SGK1: variants seen among roughly 807,000 people sequenced by gnomAD.
The protein encoded by SGK1 is serum/glucocorticoid regulated kinase 1.
SGK1 carries 26 observed loss-of-function variants against 64.2 expected under a neutral mutation model. That is an observed-to-expected ratio of 0.40 (90% confidence interval 0.30 to 0.56). The LOEUF (loss-of-function observed/expected upper bound fraction) is 0.56. SGK1 is among the 20% of genes least tolerant of loss of function. SGK1 has a pLI of 0.38. For synonymous variants in SGK1, 265 were observed against 239.7 expected, an observed-to-expected ratio of 1.11 and a Z score of -0.98; for missense variants, 519 against 645.6, an observed-to-expected ratio of 0.80 and a Z score of 2.12.
intron 13 of SGK1, 165 bp downstream of exon 13, chr6:134,170,661 G>A (rs1774986070): frequency 1.4e-6 from 1 of 692,800 alleles, no homozygotes; most frequent in Non-Finnish European, 2.4e-6. Flanking sequence ...AAAATTATGG[G>A]AGCCTTGTTG....
At chr6:134,303,172 T>C (rs1345234398) in intron 1 of SGK1, among the ~76,000 whole-genome samples, 2 of 151,972 alleles carry the variant, frequency 1.3e-5, no homozygotes, top group Admixed American at 6.6e-5. Flanking sequence ...GGTGGGCGGA[T>C]CACGAGGTCA....
At chr6:134,216,866 G>A (rs796302886) in intron 2 of SGK1, among the ~76,000 whole-genome samples, 5 of 152,280 alleles carry the variant, frequency 3.3e-5, no homozygotes, top group African/African-American at 1.2e-4. Flanking sequence ...GTCCTCTCTG[G>A]GTGGGACAGC....
rs1336636942 is a variant in SGK1 at position 134,188,535 on chromosome 6, AC to A, written c.362-13950del. Among the ~76,000 whole-genome samples, 3 of 152,334 alleles carry A rather than the reference AC, an allele frequency of 2.0e-5. No individual in the cohort carries two copies. In the South Asian group the frequency reaches 6.2e-4, roughly 32 times the overall value. On this transcript the variant is annotated intron_variant, in intron 3 of 13. Coordinates refer to ENST00000367858, the MANE Select transcript of SGK1 (RefSeq NM_001143676.3). The stretch of plus-strand genomic sequence containing the variant: ...TGTGATTTTATATATAGAGATATAT[AC>A]ATGTATGATAGCATCAGTAATTCAG...
chr6:134,257,847 C>T (rs929790096), intron 2 of SGK1, among the ~76,000 whole-genome samples: 1 of 152,266 alleles, frequency 6.6e-6, no homozygotes, highest in South Asian at 2.1e-4. Flanking sequence ...TGGAAAGAAA[C>T]CTGACGGTGA....
At chr6:134,246,713 C>T (rs944559581) in intron 2 of SGK1, among the ~76,000 whole-genome samples, 3 of 152,082 alleles carry the variant, frequency 2.0e-5, no homozygotes, top group African/African-American at 7.2e-5. Flanking sequence ...CTGCCTCAGC[C>T]TCCTGAGTAG....
chr6:134,171,625 T>C lies in SGK1; in HGVS notation c.1167+12A>G. The C allele has an allele frequency of 6.3e-7, 1 of 1,590,476 alleles. No individual in the cohort carries two copies. Among genetic ancestry groups the C allele is most frequent in the South Asian group, 1.1e-5 (1 of 90,648 alleles). ...GCAGGCAGTGTTCCATGGTTCCCAA[T>C]GTGCCACTCACCAGGCCATACAGCA... On this transcript the variant is annotated intron_variant, in intron 11 of 13. Coordinates refer to ENST00000367858, the MANE Select transcript of SGK1 (RefSeq NM_001143676.3).
chr6:134,297,483 A>G, intron 1 of SGK1: 1 of 614,138 alleles, frequency 1.6e-6, no homozygotes, highest in Admixed American at 2.0e-5. Flanking sequence ...GAGCCAGCTG[A>G]TGTTCCGGTT....
At chr6:134,189,212 G>GTC (rs773898643) in intron 3 of SGK1, among the ~76,000 whole-genome samples, 12 of 148,242 alleles carry the variant, frequency 8.1e-5, no homozygotes, top group Admixed American at 2.0e-4. Flanking sequence ...ACAGGTGTGT[G>GTC]TGTGTGTGTG....
At chr6:134,306,765 C>G (rs1777540923) in intron 1 of SGK1, among the ~76,000 whole-genome samples, 1 of 151,946 alleles carries the variant, frequency 6.6e-6, no homozygotes, top group Non-Finnish European at 1.5e-5. Context: ...CCTCAGCCTC[C>G]CAAAGTGCTG....
At chr6:134,251,944 T>C (rs910718340) in intron 2 of SGK1, among the ~76,000 whole-genome samples, 2 of 152,114 alleles carry the variant, frequency 1.3e-5, no homozygotes, top group African/African-American at 4.8e-5. Context: ...TCTGTAGTGA[T>C]GGGAGTCTTT....
At chr6:134,314,837 G>A (rs1015839078) in intron 1 of SGK1, among the ~76,000 whole-genome samples, 2 of 150,350 alleles carry the variant, frequency 1.3e-5, no homozygotes, top group African/African-American at 4.9e-5. Context: ...TTTAATGTGG[G>A]CTATGGACAA....
intron 3 of SGK1, among the ~76,000 whole-genome samples, chr6:134,202,498 A>G (rs112929130): frequency 0.052 from 7,868 of 151,984 alleles, 670 homozygotes; most frequent in African/African-American, 0.18. Flanking sequence ...ACAATTAGCC[A>G]GGCATGGTGG....
chr6:134,249,803 A>G lies in SGK1; in HGVS notation c.285+12130T>C, dbSNP rs139916211. 1.6e-3 allele frequency among the ~76,000 whole-genome samples: 239 copies of G among 152,370 alleles called. 3 individuals carry two copies. The East Asian group carries it at 0.043, about 27-fold the overall frequency. On this transcript the variant is annotated intron_variant, in intron 2 of 13. Transcript: ENST00000367858. ...GTCACTACCTGAAAGGTCTGCTTTCATGCTGGTGTCAGATTTGCTTGTTTT... is the reference window on the plus strand; with the variant it reads ...GTCACTACCTGAAAGGTCTGCTTTCGTGCTGGTGTCAGATTTGCTTGTTTT...
chr6:134,315,864 A>T (rs1037148384), intron 1 of SGK1, among the ~76,000 whole-genome samples: 1 of 152,094 alleles, frequency 6.6e-6, no homozygotes, highest in African/African-American at 2.4e-5. Flanking sequence ...ATATAGCAAG[A>T]CCCCGTCTCT....
chr6:134,263,290 G>A (rs1173876657), intron 1 of SGK1, among the ~76,000 whole-genome samples: 1 of 152,144 alleles, frequency 6.6e-6, no homozygotes, highest in Non-Finnish European at 1.5e-5. Flanking sequence ...AGGATGGAAT[G>A]CAGTGGCCTA....
chr6:134,201,907 T>C (rs1231257502), intron 3 of SGK1, among the ~76,000 whole-genome samples: 1 of 152,142 alleles, frequency 6.6e-6, no homozygotes, highest in East Asian at 1.9e-4. Flanking sequence ...CATGCTGCAG[T>C]GTAGAAACCA....
chr6:134,175,309 C>T lies in SGK1; in HGVS notation c.362-723G>A, dbSNP rs963906366. Among the ~76,000 whole-genome samples the T allele has an allele frequency of 1.9e-4, 29 of 152,260 alleles. 1 individual carries two copies. Among genetic ancestry groups the T allele is most frequent in the African/African-American group, 6.0e-4 (25 of 41,572 alleles). On this transcript the variant is annotated intron_variant, in intron 3 of 13. Coordinates refer to ENST00000367858, the MANE Select transcript of SGK1 (RefSeq NM_001143676.3). ...TGCAGATACCCTCTCCCCGGCCAGG[C>T]GCCGTCCTGCGGCCGGACTCCCACC... is the stretch of plus-strand genomic sequence containing the variant.
Position 134,170,455 on chromosome 6 carries a change from A to G in SGK1, c.1414-20T>C. 6.2e-7 allele frequency: 1 copy of G among 1,602,500 alleles called. No homozygotes were observed. The highest frequency in any genetic ancestry group is 2.2e-5 in the East Asian group (1 of 44,610). ...CCCACTCTGTGACGGGAAGGGAAAA[A>G]CACTCTTGTCAAGAACTCACACTAG... On this transcript the variant is annotated intron_variant, in intron 13 of 13. Transcript: ENST00000367858.
intron 3 of SGK1, among the ~76,000 whole-genome samples, chr6:134,185,869 G>A (rs1438254518): frequency 1.3e-5 from 2 of 152,046 alleles, no homozygotes; most frequent in African/African-American, 4.8e-5. Context: ...TCCGAAGGCC[G>A]GAGAAGAAGC....
Sources: gnomAD v4.1 joint callset for allele counts (sites outside exome capture counted in the v4.1 genomes callset) on GRCh38, gnomAD v4.1.1 for gene constraint, MANE v1.5 for transcripts, NCBI Gene and HGNC (gene_info 2026-07-23, HGNC 2026-07-21) for gene names.